CADM2: variants seen among roughly 807,000 people sequenced by gnomAD.
The protein encoded by CADM2 is immunoglobulin superfamily member 4D.
A neutral mutation model predicts 49.8 loss-of-function variants in CADM2; 12 were observed. The observed-to-expected ratio is 0.24, with a 90% CI of 0.15 to 0.39. The LOEUF is 0.39. Ranked by LOEUF, CADM2 falls within the 10% of genes least tolerant of loss-of-function variation. CADM2 has a pLI of 1.00. For missense variants in CADM2, 378 were observed against 492.3 expected, an observed-to-expected ratio of 0.77 and a Z score of 2.20; for synonymous variants, 214 against 175.4, an observed-to-expected ratio of 1.22 and a Z score of -1.74.
chr3:85,221,351 G>T (rs1303293600), intron 1 of CADM2, among the ~76,000 whole-genome samples: 1 of 152,008 alleles, frequency 6.6e-6, no homozygotes, highest in Admixed American at 6.6e-5. Flanking sequence ...TTTAGTATTT[G>T]CTCTGCTAGT....
At chr3:85,966,282 T>C (rs1269983032) in intron 8 of CADM2, among the ~76,000 whole-genome samples, 6 of 151,744 alleles carry the variant, frequency 4.0e-5, no homozygotes, top group Non-Finnish European at 8.8e-5. Flanking sequence ...TTTAGAGCTT[T>C]GGAGGGGAAC....
intron 1 of CADM2, among the ~76,000 whole-genome samples, chr3:85,019,329 A>G (rs549686180): frequency 6.6e-6 from 1 of 152,234 alleles, no homozygotes; most frequent in Admixed American, 6.5e-5. Context: ...CCAAAAAATT[A>G]AAAATTACCA....
chr3:85,158,868 AT>A (rs1288635280), intron 1 of CADM2, among the ~76,000 whole-genome samples: 6 of 152,158 alleles, frequency 3.9e-5, no homozygotes, highest in Admixed American at 6.5e-5. Context: ...AAATAAAAAA[AT>A]AAAAATTTAA....
chr3:85,008,694 T>A (rs2033853690), intron 1 of CADM2, among the ~76,000 whole-genome samples: 1 of 151,998 alleles, frequency 6.6e-6, no homozygotes, highest in Non-Finnish European at 1.5e-5. Context: ...TAAAGAAAAT[T>A]GAGGGATCAG....
At chr3:85,753,890 G>A (rs774959455) in intron 2 of CADM2, among the ~76,000 whole-genome samples, 1 of 152,146 alleles carries the variant, frequency 6.6e-6, no homozygotes, top group Non-Finnish European at 1.5e-5. Flanking sequence ...GGAAAGTAAA[G>A]TAAACTTGGA....
intron 7 of CADM2, among the ~76,000 whole-genome samples, chr3:85,944,160 CA>C (rs1722332172): frequency 1.3e-5 from 2 of 151,836 alleles, no homozygotes; most frequent in Non-Finnish European, 2.9e-5. Flanking sequence ...CAACAAAGAT[CA>C]AAAGAGACAA....
intron 1 of CADM2, among the ~76,000 whole-genome samples, chr3:85,264,949 C>G (rs138750585): frequency 5.5e-4 from 83 of 152,066 alleles, no homozygotes; most frequent in African/African-American, 1.9e-3. Context: ...TAAATCCTGA[C>G]TTTGCTAAGG....
At chr3:85,485,232 A>G (rs2039370300) in intron 1 of CADM2, among the ~76,000 whole-genome samples, 1 of 151,910 alleles carries the variant, frequency 6.6e-6, no homozygotes, top group African/African-American at 2.4e-5. Flanking sequence ...ACCAATATAA[A>G]TTCCTACATG....
At chr3:85,651,403 A>G (rs2065038135) in intron 1 of CADM2, among the ~76,000 whole-genome samples, 1 of 152,154 alleles carries the variant, frequency 6.6e-6, no homozygotes, top group Non-Finnish European at 1.5e-5. Flanking sequence ...GCTCCTAAGG[A>G]TTGTATAACA....
At chr3:85,250,337 C>T (rs1009101877) in intron 1 of CADM2, among the ~76,000 whole-genome samples, 7 of 151,416 alleles carry the variant, frequency 4.6e-5, no homozygotes, top group Non-Finnish European at 1.0e-4. Context: ...TTAAAATATA[C>T]GACTTGGTTT....
chr3:85,187,716 A>G (rs1559710105), intron 1 of CADM2, among the ~76,000 whole-genome samples: 2 of 152,234 alleles, frequency 1.3e-5, no homozygotes, highest in East Asian at 1.9e-4. Flanking sequence ...TTACAAGTAC[A>G]TAAATAGAAA....
At chr3:85,304,046 T>C (rs2044160621) in intron 1 of CADM2, among the ~76,000 whole-genome samples, 1 of 151,876 alleles carries the variant, frequency 6.6e-6, no homozygotes, top group Non-Finnish European at 1.5e-5. Flanking sequence ...TATTTCACTT[T>C]TAAAGACACA....
chr3:85,553,932 G>T (rs2061881185), intron 1 of CADM2, among the ~76,000 whole-genome samples: 1 of 152,182 alleles, frequency 6.6e-6, no homozygotes, highest in Non-Finnish European at 1.5e-5. Flanking sequence ...TATTTGTTCT[G>T]AGTGAAAAGA....
chr3:85,549,621 G>GTATTTATT (rs762176344), intron 1 of CADM2, among the ~76,000 whole-genome samples: 3 of 151,622 alleles, frequency 2.0e-5, no homozygotes, highest in Non-Finnish European at 4.4e-5. Flanking sequence ...ATATTTAAAG[G>GTATTTATT]TATTTATTTA....
chr3:85,415,438 T>C (rs1214306796), intron 1 of CADM2, among the ~76,000 whole-genome samples: 1 of 145,950 alleles, frequency 6.9e-6, no homozygotes, highest in Non-Finnish European at 1.5e-5. Context: ...AAAACTAGCC[T>C]AGAAATAGTG....
chr3:85,453,101 T>C (rs1041630200), intron 1 of CADM2, among the ~76,000 whole-genome samples: 2 of 152,182 alleles, frequency 1.3e-5, no homozygotes, highest in African/African-American at 4.8e-5. Context: ...CAGCCTTTAT[T>C]TGTTTACCTG....
chr3:85,290,099 C>T (rs1007437000), intron 1 of CADM2, among the ~76,000 whole-genome samples: 12 of 152,148 alleles, frequency 7.9e-5, no homozygotes, highest in South Asian at 4.1e-4. Flanking sequence ...GTGGGCGATC[C>T]GAAGCAGGGT....
intron 2 of CADM2, among the ~76,000 whole-genome samples, chr3:85,749,533 T>C (rs934083031): frequency 2.6e-5 from 4 of 151,984 alleles, no homozygotes; most frequent in African/African-American, 7.2e-5. Context: ...TTGCTCTAAA[T>C]TGATACAACC....
chr3:85,175,919 CTTTTTTTTTTT>C (rs11329456), intron 1 of CADM2, among the ~76,000 whole-genome samples: 4 of 76,266 alleles, frequency 5.2e-5, no homozygotes, highest in Admixed American at 1.8e-4. Context: ...ATGTCCTAAT[CTTTTTTTTTTT>C]TTTTTTTTTT....
Sources: gnomAD v4.1 joint callset for allele counts (sites outside exome capture counted in the v4.1 genomes callset) on GRCh38, gnomAD v4.1.1 for gene constraint, MANE v1.5 for transcripts, NCBI Gene and HGNC (gene_info 2026-07-23, HGNC 2026-07-21) for gene names.